The following BANK1 variants were observed in gnomAD, a reference collection of about 807,000 sequenced individuals.
BANK1 encodes the protein B cell scaffold protein with ankyrin repeats 1.
In BANK1, 95 loss-of-function variants were observed where a neutral mutation model predicts 94.5. That is an observed-to-expected ratio of 1.00 (90% confidence interval 0.85 to 1.19). The LOEUF (loss-of-function observed/expected upper bound fraction) is 1.19. Among genes scored for constraint, BANK1 ranks in the 50% most tolerant of loss-of-function variants. The pLI is 0.00. For synonymous variants in BANK1, 334 were observed against 308.4 expected (o/e 1.08, Z -0.87); for missense variants, 987 against 932.2 (o/e 1.06, Z -0.77).
At chr4:101,839,936 AATTTTTTTTTTTTTTT>A (rs1726968715) in intron 2 of BANK1, among the ~76,000 whole-genome samples, 14 of 78,976 alleles carry the variant, frequency 1.8e-4, no homozygotes, top group African/African-American at 6.4e-4. Flanking sequence ...TCAAATATTT[AATTTTTTTTTTTTTTT>A]TTTTTTTTTT....
rs751193940 is a variant in BANK1 at position 102,030,175 on chromosome 4, C to T, written c.1810C>T (p.Arg604Trp). 21 of 1,613,954 alleles carry T rather than the reference C, an allele frequency of 1.3e-5. No homozygotes were observed. Among genetic ancestry groups the T allele is most frequent in the South Asian group, 6.6e-5 (6 of 91,054 alleles). The change falls in exon 10 of 17, where the codon CGG (arginine) becomes TGG (tryptophan). Residue 604 changes from arginine to tryptophan, a missense_variant. By Grantham distance (101) the Arg-to-Trp change is moderately radical. Coordinates refer to ENST00000322953, the MANE Select transcript of BANK1 (RefSeq NM_017935.5). ...GAGTATAAAGAAAAAAACTGGGAGT[C>T]GGTCTTTCATTATAAATAGACCTCC... ...NLSIKKKTGS[R>W]SFIINRPPAP...
intron 7 of BANK1, among the ~76,000 whole-genome samples, chr4:102,006,274 T>G (rs377453229): frequency 6.6e-6 from 1 of 152,072 alleles, no homozygotes; most frequent in East Asian, 1.9e-4. Flanking sequence ...TTTTAATCTC[T>G]GTTCTCATGT....
intron 7 of BANK1, among the ~76,000 whole-genome samples, chr4:101,934,263 T>C (rs977658354): frequency 2.0e-5 from 3 of 151,460 alleles, no homozygotes; most frequent in African/African-American, 7.3e-5. Context: ...TTTAAAAGAC[T>C]GCAGTCCTAC....
intron 5 of BANK1, among the ~76,000 whole-genome samples, chr4:101,886,575 G>A (rs1279869197): frequency 6.6e-6 from 1 of 152,074 alleles, no homozygotes; most frequent in Non-Finnish European, 1.5e-5. Flanking sequence ...TTACAAAATG[G>A]TTACTAAAAA....
intron 2 of BANK1, among the ~76,000 whole-genome samples, chr4:101,835,431 A>G (rs775813634): frequency 2.0e-5 from 3 of 152,054 alleles, no homozygotes; most frequent in Non-Finnish European, 2.9e-5. Flanking sequence ...TTATTTTCTC[A>G]TATTTTCTTC....
At chr4:102,065,135 C>T (rs1055971649) in intron 13 of BANK1, among the ~76,000 whole-genome samples, 1 of 152,200 alleles carries the variant, frequency 6.6e-6, no homozygotes, top group Non-Finnish European at 1.5e-5. Flanking sequence ...TGTTTAAGTT[C>T]TGGCCCTGTC....
intron 7 of BANK1, among the ~76,000 whole-genome samples, chr4:101,969,710 T>C (rs1201499733): frequency 1.3e-5 from 2 of 152,104 alleles, no homozygotes; most frequent in African/African-American, 2.4e-5. Context: ...TAGAGAATTA[T>C]AGGATGAATG....
chr4:101,962,162 T>A (rs796621061), intron 7 of BANK1, among the ~76,000 whole-genome samples: 30 of 152,256 alleles, frequency 2.0e-4, no homozygotes, highest in African/African-American at 6.3e-4. Flanking sequence ...TATCAATAAC[T>A]CTATGTCAAT....
At chr4:101,966,573 C>T (rs970964136) in intron 7 of BANK1, among the ~76,000 whole-genome samples, 1 of 151,966 alleles carries the variant, frequency 6.6e-6, no homozygotes, top group Non-Finnish European at 1.5e-5. Context: ...AGGACTTATG[C>T]CTTTTAATTC....
intron 1 of BANK1, among the ~76,000 whole-genome samples, chr4:101,822,976 A>G (rs938236348): frequency 1.3e-5 from 2 of 152,102 alleles, no homozygotes; most frequent in South Asian, 2.1e-4. Flanking sequence ...TGTCTTTGCT[A>G]TTGTGAATTG....
intron 1 of BANK1, among the ~76,000 whole-genome samples, chr4:101,793,464 AT>A (rs1228996455): frequency 6.6e-6 from 1 of 152,232 alleles, no homozygotes; most frequent in Non-Finnish European, 1.5e-5. Flanking sequence ...ATAAGGAATA[AT>A]TCTGAAAAAT....
chr4:101,955,000 G>GA (rs576830008), intron 7 of BANK1, among the ~76,000 whole-genome samples: 1 of 151,948 alleles, frequency 6.6e-6, no homozygotes, highest in Admixed American at 6.6e-5. Flanking sequence ...TTAATGAAAA[G>GA]AAAAAAACCT....
At chr4:101,871,999 A>G (rs926205151) in intron 5 of BANK1, among the ~76,000 whole-genome samples, 1 of 152,134 alleles carries the variant, frequency 6.6e-6, no homozygotes, top group Non-Finnish European at 1.5e-5. Context: ...TAGTTTTTAG[A>G]TAAGTAGAAA....
intron 2 of BANK1, among the ~76,000 whole-genome samples, chr4:101,839,937 A>ATTTATTTATT (rs1726969190): frequency 1.9e-5 from 1 of 53,036 alleles, no homozygotes; most frequent in African/African-American, 7.5e-5. Flanking sequence ...CAAATATTTA[A>ATTTATTTATT]TTTTTTTTTT....
At chr4:101,879,682 A>T (rs1728609060) in intron 5 of BANK1, among the ~76,000 whole-genome samples, 1 of 152,154 alleles carries the variant, frequency 6.6e-6, no homozygotes, top group South Asian at 2.1e-4. Context: ...ATTGATGCAA[A>T]AATCCTCAAC....
intron 7 of BANK1, among the ~76,000 whole-genome samples, chr4:101,936,259 A>G (rs1341208428): frequency 1.3e-5 from 2 of 150,160 alleles, no homozygotes; most frequent in South Asian, 2.1e-4. Flanking sequence ...TGACACACAT[A>G]CATGTATGCA....
At chr4:101,995,191 T>C (rs895073921) in intron 7 of BANK1, among the ~76,000 whole-genome samples, 1 of 151,852 alleles carries the variant, frequency 6.6e-6, no homozygotes, top group Middle Eastern at 3.2e-3. Context: ...TGAGAACATG[T>C]GGTATTTGGT....
chr4:101,886,775 T>C (rs2148887676), intron 5 of BANK1, among the ~76,000 whole-genome samples: 1 of 148,300 alleles, frequency 6.7e-6, no homozygotes. Context: ...GGGGGGGGCA[T>C]GTTGAAAAAC....
intron 1 of BANK1, among the ~76,000 whole-genome samples, chr4:101,798,316 T>G (rs578177403): frequency 6.6e-6 from 1 of 152,320 alleles, no homozygotes; most frequent in East Asian, 1.9e-4. Flanking sequence ...GATTTTACTT[T>G]CATTGTTGCT....
Sources: gnomAD v4.1 joint callset for allele counts (sites outside exome capture counted in the v4.1 genomes callset) on GRCh38, gnomAD v4.1.1 for gene constraint, MANE v1.5 for transcripts, NCBI Gene and HGNC (gene_info 2026-07-23, HGNC 2026-07-21) for gene names.